UPF2: variants seen among roughly 807,000 people sequenced by gnomAD.
UPF2 encodes the protein regulator of nonsense transcripts 2.
In UPF2, 17 loss-of-function variants were observed where a neutral mutation model predicts 141.4. The ratio of observed to expected loss-of-function variants is 0.12; its 90% CI spans 0.08 to 0.18. The LOEUF is 0.18. Ranked by LOEUF, UPF2 falls within the 10% of genes least tolerant of loss-of-function variation. The probability of loss-of-function intolerance (pLI) is 1.00; values close to 1 mark genes in which losing one functional copy is unlikely to be tolerated. For missense variants in UPF2, 1,152 were observed against 1,515.9 expected (o/e 0.76, Z 3.99); for synonymous variants, 540 against 498.0 (o/e 1.08, Z -1.12).
intron 3 of UPF2, among the ~76,000 whole-genome samples, chr10:12,020,645 T>C (rs899478574): frequency 6.6e-6 from 1 of 152,228 alleles, no homozygotes; most frequent in Non-Finnish European, 1.5e-5. Context: ...ATTTACTAAA[T>C]ACTTACAATG....
chr10:12,039,637 T>G (rs902424626), intron 1 of UPF2, among the ~76,000 whole-genome samples: 6 of 151,538 alleles, frequency 4.0e-5, no homozygotes, highest in African/African-American at 1.5e-4. Flanking sequence ...TTTTTTTTTT[T>G]TTGAGATGGA....
At chr10:12,002,985 G>GTGT (rs1833977133) in intron 5 of UPF2, among the ~76,000 whole-genome samples, 2 of 152,156 alleles carry the variant, frequency 1.3e-5, no homozygotes, top group South Asian at 2.1e-4. Flanking sequence ...ACACAGAAAT[G>GTGT]TCTTACTGAT....
chr10:11,979,104 C>T lies in UPF2; in HGVS notation c.1906G>A (p.Val636Ile), dbSNP rs185512570. ...AGCATGGAACAAAGATCCTCTGCTA[C>T]ATCAGACATGCAGGGATGCAATGTA... is the stretch of plus-strand genomic sequence containing the variant. Reference protein sequence around the residue: ...VATLHPCMSDVAEDLCSMLRG... With the variant: ...VATLHPCMSDIAEDLCSMLRG... Residue 636 changes from valine to isoleucine, a missense_variant, in exon 9 of 22, where the codon GTA (valine) becomes ATA (isoleucine). Val to Ile is a conservative substitution (Grantham distance 29). Around this residue, in one of 4 missense-constraint regions of UPF2, gnomAD observed 739 missense variants for 1,032.2 expected, o/e 0.72. Transcript: ENST00000357604. This position sits in a 1 kb window ranked among gnomAD's most constrained non-coding sequence, Gnocchi z 6.2. 13 of 1,613,466 alleles carry T rather than the reference C, an allele frequency of 8.1e-6. No individual in the cohort carries two copies. The East Asian group carries it at 2.2e-4, about 28-fold the overall frequency.
intron 2 of UPF2, among the ~76,000 whole-genome samples, chr10:12,030,100 T>A (rs1834491980): frequency 6.6e-6 from 1 of 152,020 alleles, no homozygotes; most frequent in East Asian, 1.9e-4. Flanking sequence ...AGATTAAAAT[T>A]AAAAATCATT....
At chr10:11,960,760 G>C (rs960381608) in intron 11 of UPF2, among the ~76,000 whole-genome samples, 2 of 149,766 alleles carry the variant, frequency 1.3e-5, no homozygotes, top group African/African-American at 4.9e-5. Flanking sequence ...ACAAGCTTAA[G>C]ACCTTATCTC....
chr10:12,004,746 C>G lies in UPF2; in HGVS notation c.1307-19G>C. On this transcript the variant is annotated intron_variant, in intron 4 of 21. Transcript: ENST00000357604. ...CCATGTTCTACAATAAAATAAATCACAAGTAATTAACATAACTTGAGGTTA... is the reference window on the plus strand; with the variant it reads ...CCATGTTCTACAATAAAATAAATCAGAAGTAATTAACATAACTTGAGGTTA... The G allele has an allele frequency of 1.2e-6, 2 of 1,603,580 alleles. No homozygotes were observed. The highest frequency in any genetic ancestry group is 8.5e-7 in the Non-Finnish European group (1 of 1,175,464).
rs999268034 is a variant in UPF2 at position 12,035,268 on chromosome 10, G to C, written c.156C>G (p.Ala52=). The change falls in exon 2 of 22, where the codon GCC becomes GCG. Residue 52 remains alanine, a synonymous_variant. Transcript: ENST00000357604. Reference sequence around the variant, plus strand: ...CCAGTCTCTTCTTCTTGTCTTCAGGGGCCTTGCTGACCTCCTTCTTGGCAG... The same window carrying C: ...CCAGTCTCTTCTTCTTGTCTTCAGGCGCCTTGCTGACCTCCTTCTTGGCAG... ...KLTAKKEVSK[A]PEDKKKRLED... The C allele has an allele frequency of 5.0e-6, 8 of 1,613,424 alleles. No homozygotes were observed. The Admixed American group carries it at 8.3e-5, about 17-fold the overall frequency.
chr10:11,948,585 T>C, intron 15 of UPF2, 77 bp from the exon 16 acceptor site: 1 of 1,439,492 alleles, frequency 6.9e-7, no homozygotes, highest in African/African-American at 1.4e-5. Context: ...TACCAATTCA[T>C]GTAAAAGTAT....
chr10:11,937,700 T>C (rs1400277400), intron 18 of UPF2, among the ~76,000 whole-genome samples: 1 of 152,296 alleles, frequency 6.6e-6, no homozygotes, highest in Admixed American at 6.5e-5. Flanking sequence ...CAGGTCATGC[T>C]GAAAGGCCCT....
chr10:12,022,858 A>G (rs1014858754), intron 3 of UPF2, among the ~76,000 whole-genome samples: 1 of 152,106 alleles, frequency 6.6e-6, no homozygotes, highest in African/African-American at 2.4e-5. Flanking sequence ...GAAACCTCTG[A>G]CTTTTTTTTT....
At chr10:11,943,694 T>A (rs956793395) in intron 16 of UPF2, among the ~76,000 whole-genome samples, 2 of 152,154 alleles carry the variant, frequency 1.3e-5, no homozygotes, top group Non-Finnish European at 2.9e-5. Flanking sequence ...TGTTCCTATT[T>A]TACACATGAA....
rs554705361 is a variant in UPF2 at position 11,955,594 on chromosome 10, A to G, written c.2575-87T>C. 238 of 1,287,010 alleles carry G rather than the reference A, an allele frequency of 1.8e-4. 2 individuals are homozygous for G. The highest frequency in any genetic ancestry group is 1.4e-4 in the Non-Finnish European group (128 of 944,700). 79.7% of individuals were successfully genotyped at this position (1,287,010 alleles called of 1,614,324 possible). A position where few individuals can be genotyped will look rare whatever the true frequency, so the allele number is the denominator to read the frequency against. The stretch of plus-strand genomic sequence containing the variant: ...AAACTTGTCTCTGTAACTTGAAAAT[A>G]TCTATTACTGAAAGAACACTGAATA... On this transcript the variant is annotated intron_variant, in intron 13 of 21. Coordinates refer to ENST00000357604, the MANE Select transcript of UPF2 (RefSeq NM_015542.4).
At chr10:12,005,141 A>T (rs745917097) in intron 4 of UPF2, among the ~76,000 whole-genome samples, 13 of 149,902 alleles carry the variant, frequency 8.7e-5, no homozygotes, top group Non-Finnish European at 1.3e-4. Context: ...ATAATCCTCT[A>T]TACTATTTAC....
chr10:12,027,417 GATGT>G (rs1834437661), intron 3 of UPF2, among the ~76,000 whole-genome samples: 1 of 152,138 alleles, frequency 6.6e-6, no homozygotes, highest in African/African-American at 2.4e-5. Context: ...AATCAGTTAT[GATGT>G]ATTAGGTAGG....
chr10:12,027,844 T>C (rs1157619549), intron 3 of UPF2, among the ~76,000 whole-genome samples: 1 of 152,174 alleles, frequency 6.6e-6, no homozygotes, highest in Non-Finnish European at 1.5e-5. Flanking sequence ...CTTATGAAAC[T>C]AGAAAAGGAT....
At position 12,042,640 on chromosome 10, in the gene UPF2, G is replaced by A. The variant is rs12569563; in HGVS notation, c.-19+115C>T. On this transcript the variant is annotated intron_variant, in intron 1 of 21. Transcript: ENST00000357604. The surrounding 1 kb of genome is among the most constrained non-coding windows in gnomAD (Gnocchi z 5.5). ...ACTGCTCGCCGACCCCGGAGAGCTG[G>A]AGTGTGGAGTCGCCTCTGGGGTCCC... 1.3e-5 allele frequency: 2 copies of A among 152,344 alleles called. No individual in the cohort carries two copies. The highest frequency in any genetic ancestry group is 4.8e-5 in the African/African-American group (2 of 41,514). The allele number at this position is 152,344 out of a possible 1,614,324, so 9.4% of individuals were successfully genotyped here. A position where few individuals can be genotyped will look rare whatever the true frequency, so the allele number is the denominator to read the frequency against.
intron 8 of UPF2, 134 bp downstream of exon 8, chr10:11,997,538 A>T: frequency 1.5e-6 from 1 of 646,212 alleles, no homozygotes; most frequent in Non-Finnish European, 2.4e-6. Context: ...GTTCTAAAAA[A>T]TATGCTAATA....
chr10:12,035,302 A>C lies in UPF2; in HGVS notation c.122T>G (p.Ile41Ser), dbSNP rs756121218. Residue 41 changes from isoleucine (I) to serine (S), a missense_variant, in exon 2 of 22, where the codon ATC (isoleucine) becomes AGC (serine). Around this residue, in one of 4 missense-constraint regions of UPF2, gnomAD observed 145 missense variants for 136.5 expected, o/e 1.06. Coordinates refer to ENST00000357604, the MANE Select transcript of UPF2 (RefSeq NM_015542.4). Reference protein sequence around the residue: ...VSSKERPKDDIKLTAKKEVSK... With the variant: ...VSSKERPKDDSKLTAKKEVSK... ...GACCTCCTTCTTGGCAGTGAGCTTGATATCGTCTTTTGGCCTCTCCTTGCT... is the reference window on the plus strand; with the variant it reads ...GACCTCCTTCTTGGCAGTGAGCTTGCTATCGTCTTTTGGCCTCTCCTTGCT... 1.9e-6 allele frequency: 3 copies of C among 1,613,670 alleles called. No homozygotes were observed. Among genetic ancestry groups the C allele is most frequent in the East Asian group, 2.2e-5 (1 of 44,858 alleles).
intron 10 of UPF2, 41 bp downstream of exon 10, chr10:11,967,300 A>ATCC: frequency 8.4e-7 from 1 of 1,195,364 alleles, no homozygotes; most frequent in Non-Finnish European, 1.2e-6. Context: ...TTAAAACTTT[A>ATCC]AACTTTTCAA....
Sources: allele counts gnomAD v4.1 joint callset (sites outside exome capture counted in the v4.1 genomes callset), GRCh38; gene constraint gnomAD v4.1.1; regional missense constraint gnomAD v4.1.1; non-coding constraint Gnocchi (gnomAD v3.1); transcripts MANE v1.5; gene names NCBI Gene and HGNC (gene_info 2026-07-23, HGNC 2026-07-21).